ANKRD27: variants seen among roughly 807,000 people sequenced by gnomAD.
The protein encoded by ANKRD27 is ankyrin repeat domain 27.
A neutral mutation model predicts 129.7 loss-of-function variants in ANKRD27; 112 were observed. The ratio of observed to expected loss-of-function variants is 0.86; its 90% CI spans 0.74 to 1.01. ANKRD27 has a LOEUF of 1.01. Among genes scored for constraint, ANKRD27 ranks in the 50% least tolerant of loss-of-function variants. ANKRD27 has a pLI of 0.00. For missense variants in ANKRD27, 1,258 were observed against 1,300.5 expected (o/e 0.97, Z 0.50); for synonymous variants, 516 against 511.2 (o/e 1.01, Z -0.13).
intron 9 of ANKRD27, 27 bp from the exon 10 acceptor site, chr19:32,642,172 C>A: frequency 6.4e-7 from 1 of 1,558,936 alleles, no homozygotes; most frequent in Non-Finnish European, 8.7e-7. Context: ...AAAGTGACAA[C>A]TTCAGAGCAC....
intron 18 of ANKRD27, among the ~76,000 whole-genome samples, chr19:32,621,032 C>T (rs1352185158): frequency 6.6e-6 from 1 of 152,088 alleles, no homozygotes; most frequent in African/African-American, 2.4e-5. Flanking sequence ...CTATATACAG[C>T]TTTCTGTATG....
intron 10 of ANKRD27, 38 bp from the exon 11 acceptor site, chr19:32,640,423 A>G: frequency 6.3e-7 from 1 of 1,575,294 alleles, no homozygotes; most frequent in Non-Finnish European, 8.7e-7. Context: ...CCATCATGAG[A>G]TTCAAATGGA....
intron 1 of ANKRD27, 74 bp from the exon 2 acceptor site, chr19:32,659,119 G>A (rs1172286845): frequency 6.0e-6 from 4 of 665,282 alleles, no homozygotes; most frequent in African/African-American, 5.5e-5. Flanking sequence ...TGCATCTGAT[G>A]CATCTGGCAT....
rs1972029109 is a variant in ANKRD27 at position 32,622,576 on chromosome 19, A to G, written c.1673T>C (p.Leu558Pro). The change falls in exon 18 of 29, where the codon CTT (leucine) becomes CCT (proline). Residue 558 changes from leucine to proline, a missense_variant. By Grantham distance (98) the Leu-to-Pro change is moderately conservative. Coordinates refer to ENST00000306065, the MANE Select transcript of ANKRD27 (RefSeq NM_032139.3). ...GTCTCCTTTCTCATTGCCAATGTCA[A>G]GTCTGCACGACTCCACGTCGTAGTA... The part of the protein sequence containing the change: ...LVYYDVESCR[L>P]DIGNEKGDTP... 1.2e-6 allele frequency: 2 copies of G among 1,614,046 alleles called. No individual in the cohort carries two copies. Among genetic ancestry groups the G allele is most frequent in the Non-Finnish European group, 1.7e-6 (2 of 1,180,020 alleles).
intron 2 of ANKRD27, chr19:32,655,012 C>A (rs1249813518): frequency 6.6e-6 from 1 of 152,296 alleles, no homozygotes; most frequent in Non-Finnish European, 1.5e-5. Flanking sequence ...GAACTCCTGA[C>A]CTCAAATGAT....
chr19:32,614,433 G>A (rs1971881278), intron 22 of ANKRD27, among the ~76,000 whole-genome samples: 1 of 152,158 alleles, frequency 6.6e-6, no homozygotes, highest in African/African-American at 2.4e-5. Context: ...GCCAGGCGCA[G>A]CGGCTCACAC....
chr19:32,661,078 A>G (rs898494446), intron 1 of ANKRD27, among the ~76,000 whole-genome samples: 7 of 151,816 alleles, frequency 4.6e-5, no homozygotes, highest in African/African-American at 1.7e-4. Context: ...GCCCATGCCT[A>G]TAGTCCCAGG....
chr19:32,661,022 A>T (rs1967633709), intron 1 of ANKRD27, among the ~76,000 whole-genome samples: 1 of 151,174 alleles, frequency 6.6e-6, no homozygotes, highest in Non-Finnish European at 1.5e-5. Context: ...ACATAGCGAG[A>T]CCCCATCTCT....
chr19:32,639,360 G>C lies in ANKRD27; in HGVS notation c.1112C>G (p.Pro371Arg), dbSNP rs140034505. The change falls in exon 12 of 29, where the codon CCC (proline) becomes CGC (arginine). Residue 371 changes from proline to arginine, a missense_variant. Coordinates refer to ENST00000306065, the MANE Select transcript of ANKRD27 (RefSeq NM_032139.3). The part of the protein sequence containing the change: ...YIRQGSLSAK[P>R]PESEGFGDRL... ...AGGGCAGGGGTGAGATCTTACAGGG[G>C]GTTTAGCAGAGAGGCTTCCTTGCCG... is the stretch of plus-strand genomic sequence containing the variant. 3.4e-5 allele frequency: 55 copies of C among 1,614,162 alleles called. No individual in the cohort carries two copies. In the African/African-American group the frequency reaches 6.8e-4, roughly 20 times the overall value.
In ANKRD27 at chr19:32,598,242, A is replaced by G. The variant is rs536339670; in HGVS notation, c.3056T>C (p.Leu1019Pro). ...CGCATCCTCTACCGTGTGTCTCCGC[A>G]GCATCCGTCTGTGTCCAGGGCCAGT... ...TQTGPGHRRM[L>P]RRHTVEDAVV... The change falls in exon 29 of 29, where the codon CTG becomes CCG. Residue 1019 changes from leucine (L) to proline (P), a missense_variant. Coordinates refer to ENST00000306065, the MANE Select transcript of ANKRD27 (RefSeq NM_032139.3). The G allele has an allele frequency of 1.2e-6, 2 of 1,614,146 alleles. No homozygotes were observed. Among genetic ancestry groups the G allele is most frequent in the Admixed American group, 1.7e-5 (1 of 60,018 alleles).
chr19:32,617,639 TA>T lies in ANKRD27; in HGVS notation c.2008-7del. ...GCTCTCAAAAGTTTTTCTACCTTAATAAAAGGAACAAGAATGTTAGAAAAAT... is the reference window on the plus strand; with the variant it reads ...GCTCTCAAAAGTTTTTCTACCTTAATAAAGGAACAAGAATGTTAGAAAAAT... On this transcript the variant is annotated splice_region_variant and splice_polypyrimidine_tract_variant and intron_variant, in intron 20 of 28. Coordinates refer to ENST00000306065, the MANE Select transcript of ANKRD27 (RefSeq NM_032139.3). 1 of 748,970 alleles carries T rather than the reference TA, an allele frequency of 1.3e-6. No homozygotes were observed. 46.4% of individuals were successfully genotyped at this position (748,970 alleles called of 1,614,324 possible).
chr19:32,597,879 G>C lies in ANKRD27; in HGVS notation c.*266C>G, dbSNP rs1418501476. ...AACCCTCATACTTAAAAAGAAGCATGCACCTCTGGCTTAAGGATCTGGATG... is the reference window on the plus strand; with the variant it reads ...AACCCTCATACTTAAAAAGAAGCATCCACCTCTGGCTTAAGGATCTGGATG... On this transcript the variant is annotated 3_prime_UTR_variant, in exon 29 of 29. Transcript: ENST00000306065. The C allele has an allele frequency of 9.8e-6, 5 of 508,034 alleles. No homozygotes were observed. The highest frequency in any genetic ancestry group is 3.2e-5 in the Admixed American group (1 of 30,796). 31.5% of individuals were successfully genotyped at this position (508,034 alleles called of 1,614,324 possible).
chr19:32,674,213 C>T lies in ANKRD27; in HGVS notation c.-31+858G>A, dbSNP rs1967933110. ...AAAAAATATCCACTGCTCTACTCTT[C>T]GGCCAGTGGGAAGAGTGCATTTTTT... On this transcript the variant is annotated intron_variant, in intron 1 of 28. Transcript: ENST00000306065. 2.0e-5 allele frequency among the ~76,000 whole-genome samples: 3 copies of T among 152,304 alleles called. No homozygotes were observed. In the South Asian group the frequency reaches 6.2e-4, roughly 32 times the overall value.
chr19:32,640,519 G>T, intron 10 of ANKRD27, 134 bp from the exon 11 acceptor site: 1 of 726,204 alleles, frequency 1.4e-6, no homozygotes, highest in Non-Finnish European at 2.4e-6. Context: ...AAATGTCATT[G>T]CACAAGCTCC....
chr19:32,666,787 C>T, intron 1 of ANKRD27, among the ~76,000 whole-genome samples: 1 of 152,012 alleles, frequency 6.6e-6, no homozygotes, highest in Non-Finnish European at 1.5e-5. Flanking sequence ...GCTGGGATTA[C>T]AGGTGTGCAC....
chr19:32,665,438 C>T (rs960126189), intron 1 of ANKRD27, among the ~76,000 whole-genome samples: 8 of 147,490 alleles, frequency 5.4e-5, no homozygotes, highest in African/African-American at 1.5e-4. Context: ...TACAGGCACC[C>T]GCCACCACAC....
intron 3 of ANKRD27, among the ~76,000 whole-genome samples, chr19:32,649,381 C>T (rs577015912): frequency 6.6e-5 from 10 of 152,278 alleles, no homozygotes; most frequent in South Asian, 6.2e-4. Context: ...TCCTTTGGCT[C>T]GGACATCAGC....
intron 13 of ANKRD27, among the ~76,000 whole-genome samples, 163 bp from the exon 14 acceptor site, chr19:32,629,012 C>A (rs1225658476): frequency 6.6e-6 from 1 of 152,084 alleles, no homozygotes; most frequent in Non-Finnish European, 1.5e-5. Flanking sequence ...CCTCTGCCTC[C>A]CGGGTTCAAG....
intron 20 of ANKRD27, 67 bp downstream of exon 20, chr19:32,619,193 C>T: frequency 6.4e-7 from 1 of 1,552,562 alleles, no homozygotes; most frequent in South Asian, 1.2e-5. Flanking sequence ...CACGGCTCTT[C>T]AGCTGGACAC....
Sources: gnomAD v4.1 joint callset for allele counts (sites outside exome capture counted in the v4.1 genomes callset) on GRCh38, gnomAD v4.1.1 for gene constraint, MANE v1.5 for transcripts, NCBI Gene and HGNC (gene_info 2026-07-23, HGNC 2026-07-21) for gene names.